Variants in AGBL1 observed in about 807,000 individuals in gnomAD.
The protein encoded by AGBL1 is AGBL carboxypeptidase 1.
In AGBL1, 130 loss-of-function variants were observed where a neutral mutation model predicts 118.9. The ratio of observed to expected loss-of-function variants is 1.09; its 90% confidence interval spans 0.95 to 1.26. AGBL1 has a LOEUF of 1.26. Among genes scored for constraint, AGBL1 ranks in the 50% most tolerant of loss-of-function variants. AGBL1 has a pLI of 0.00. For missense variants in AGBL1, 1,584 were observed against 1,298.1 expected (o/e 1.22, Z -3.38); for synonymous variants, 555 against 478.9 (o/e 1.16, Z -2.08).
At chr15:86,474,846 T>A (rs368211976) in intron 18 of AGBL1, among the ~76,000 whole-genome samples, 1 of 152,164 alleles carries the variant, frequency 6.6e-6, no homozygotes, top group African/African-American at 2.4e-5. Flanking sequence ...GACTGACACC[T>A]CACATGGCCA....
intron 23 of AGBL1, among the ~76,000 whole-genome samples, chr15:86,983,580 A>T (rs555804844): frequency 6.6e-6 from 1 of 152,184 alleles, no homozygotes; most frequent in Non-Finnish European, 1.5e-5. Flanking sequence ...CAATAAATGC[A>T]TACATTTTAA....
intron 18 of AGBL1, among the ~76,000 whole-genome samples, chr15:86,504,628 G>A (rs1236011290): frequency 1.3e-5 from 2 of 151,280 alleles, no homozygotes; most frequent in African/African-American, 4.8e-5. Context: ...TAACAATCTA[G>A]TCAGATTAAA....
At chr15:86,763,605 T>C (rs943442216) in intron 22 of AGBL1, among the ~76,000 whole-genome samples, 1 of 151,936 alleles carries the variant, frequency 6.6e-6, no homozygotes, top group Non-Finnish European at 1.5e-5. Flanking sequence ...CCTTTTATGT[T>C]GAAGGAGTTG....
chr15:86,736,277 G>A (rs2077597353), intron 22 of AGBL1, among the ~76,000 whole-genome samples: 1 of 152,018 alleles, frequency 6.6e-6, no homozygotes, highest in Non-Finnish European at 1.5e-5. Context: ...CTACTCAGGA[G>A]GCTGAGGCAG....
chr15:86,813,733 G>A (rs1446880258), intron 22 of AGBL1, among the ~76,000 whole-genome samples: 1 of 151,896 alleles, frequency 6.6e-6, no homozygotes, highest in African/African-American at 2.4e-5. Flanking sequence ...CCAGAGAGAG[G>A]GTTTGTAACA....
At chr15:86,468,654 T>C (rs536821854) in intron 18 of AGBL1, among the ~76,000 whole-genome samples, 73 of 152,354 alleles carry the variant, frequency 4.8e-4, no homozygotes, top group Non-Finnish European at 9.8e-4. Context: ...CACTGACTAA[T>C]AAGGCTCCTG....
At chr15:86,920,578 C>T (rs1332457180), downstream of AGBL1, among the ~76,000 whole-genome samples, 3 of 152,154 alleles carry the variant, frequency 2.0e-5, no homozygotes, top group Non-Finnish European at 4.4e-5. Context: ...TTACCACAAA[C>T]AGTAATATTA....
chr15:87,025,648 T>A (rs189420132), intron 24 of AGBL1, among the ~76,000 whole-genome samples: 4,387 of 150,830 alleles, frequency 0.029, 92 homozygotes, highest in Non-Finnish European at 0.044. Flanking sequence ...AGAAAAAAAA[T>A]TCTAAAATTC....
intron 4 of AGBL1, 109 bp downstream of exon 4, chr15:86,154,670 A>G (rs371439668): frequency 3.0e-6 from 4 of 1,318,624 alleles, no homozygotes; most frequent in East Asian, 2.5e-5. Flanking sequence ...AGAGATACAC[A>G]TGGTGGTCCC....
In AGBL1 at chr15:86,124,292, T is replaced by G. The variant is rs1328214778; in HGVS notation, c.52-17712T>G. The stretch of plus-strand genomic sequence containing the variant: ...TTGCAGTGAGCTGAGATTGCACCAC[T>G]GCACTACAGCCTGGGCACCAGAGTG... On this transcript the variant is annotated intron_variant, in intron 1 of 22. Coordinates refer to ENST00000614907, the MANE Select transcript of AGBL1 (RefSeq NM_001386094.1). 2.1e-4 allele frequency among the ~76,000 whole-genome samples: 29 copies of G among 139,750 alleles called. 1 individual carries two copies. Among genetic ancestry groups the G allele is most frequent in the Non-Finnish European group, 6.0e-5 (4 of 66,734 alleles). 91.7% of individuals were successfully genotyped at this position (139,750 alleles called of 152,430 possible).
intron 23 of AGBL1, among the ~76,000 whole-genome samples, chr15:86,979,879 C>CTGTT (rs1274669290): frequency 6.6e-6 from 1 of 152,152 alleles, no homozygotes; most frequent in Non-Finnish European, 1.5e-5. Flanking sequence ...ACACATCTCA[C>CTGTT]TGTTTCCCTT....
chr15:86,756,759 A>G (rs1438124497), intron 22 of AGBL1, among the ~76,000 whole-genome samples: 18 of 152,032 alleles, frequency 1.2e-4, no homozygotes, highest in Non-Finnish European at 1.5e-5. Flanking sequence ...ATTGAAGTCA[A>G]AAGTTGTTGA....
chr15:86,480,099 G>A (rs951930228), intron 18 of AGBL1, among the ~76,000 whole-genome samples: 2 of 152,102 alleles, frequency 1.3e-5, no homozygotes, highest in African/African-American at 2.4e-5. Context: ...GGTGGGGAGA[G>A]GGGGGAGGGA....
At chr15:86,728,850 C>G (rs28681337) in intron 22 of AGBL1, among the ~76,000 whole-genome samples, 8,012 of 152,152 alleles carry the variant, frequency 0.053, 568 homozygotes, top group African/African-American at 0.16. Context: ...ACCCATTTTC[C>G]AGATGAATCT....
chr15:86,325,159 G>T (rs972420600), intron 17 of AGBL1, among the ~76,000 whole-genome samples: 1 of 152,180 alleles, frequency 6.6e-6, no homozygotes, highest in Non-Finnish European at 1.5e-5. Flanking sequence ...TAGAAGACTA[G>T]AGAGAGAGGC....
At chr15:86,286,939 C>T (rs981435200) in intron 16 of AGBL1, among the ~76,000 whole-genome samples, 2 of 151,980 alleles carry the variant, frequency 1.3e-5, no homozygotes, top group South Asian at 4.2e-4. Flanking sequence ...AAACTTCATA[C>T]TGTTTTCCAA....
chr15:86,577,692 A>C (rs188623492), intron 21 of AGBL1, among the ~76,000 whole-genome samples: 1 of 152,200 alleles, frequency 6.6e-6, no homozygotes, highest in Admixed American at 6.5e-5. Flanking sequence ...GTAGCTATGG[A>C]CGTGGTGCCC....
At chr15:86,330,494 A>G (rs2080253024) in intron 17 of AGBL1, among the ~76,000 whole-genome samples, 1 of 152,244 alleles carries the variant, frequency 6.6e-6, no homozygotes, top group South Asian at 2.1e-4. Flanking sequence ...ACTTACGTGA[A>G]AATAATTACA....
At chr15:86,593,296 A>ATT (rs35818219) in intron 21 of AGBL1, among the ~76,000 whole-genome samples, 1,812 of 145,768 alleles carry the variant, frequency 0.012, 16 homozygotes, top group African/African-American at 0.027. Context: ...GGAACCTTAG[A>ATT]TTTTTTTTTT....
Sources: gnomAD v4.1 joint callset for allele counts (sites outside exome capture counted in the v4.1 genomes callset) on GRCh38, gnomAD v4.1.1 for gene constraint, MANE v1.5 for transcripts, NCBI Gene and HGNC (gene_info 2026-07-23, HGNC 2026-07-21) for gene names.